The following RALGPS1 variants were observed in gnomAD, a reference collection of about 807,000 sequenced individuals.
RALGPS1 encodes Ral GEF with PH domain and SH3 binding motif 1.
Under a neutral mutation model 78.8 loss-of-function variants are expected in RALGPS1, and 19 were observed. The ratio of observed to expected loss-of-function variants is 0.24; its 90% confidence interval spans 0.17 to 0.35. The LOEUF (loss-of-function observed/expected upper bound fraction) is 0.35, where lower values mean the gene tolerates loss of function less well. Among genes scored for constraint, RALGPS1 ranks in the 10% least tolerant of loss-of-function variants. The pLI is 1.00. For missense variants in RALGPS1, 454 were observed against 688.3 expected (o/e 0.66, Z 3.81); for synonymous variants, 228 against 256.3 (o/e 0.89, Z 1.06).
At chr9:127,029,910 T>C (rs1249633513) in intron 4 of RALGPS1, among the ~76,000 whole-genome samples, 1 of 152,196 alleles carries the variant, frequency 6.6e-6, no homozygotes, top group Non-Finnish European at 1.5e-5. Context: ...CAGAGCAGCT[T>C]TGCAGGGGCA....
chr9:127,183,776 T>A lies in RALGPS1; in HGVS notation c.910+8994T>A. On this transcript the variant is annotated intron_variant, in intron 11 of 18. Transcript: ENST00000259351. This position sits in a 1 kb window ranked among gnomAD's most constrained non-coding sequence, Gnocchi z 4.0. ...TGCCCGTTTATATTTTCGGAATGGA[T>A]GGGTGGGAGGGGCCCTCCATGAGGA... 9.0e-7 allele frequency: 1 copy of A among 1,116,830 alleles called. No individual in the cohort carries two copies. 69.2% of individuals were successfully genotyped at this position (1,116,830 alleles called of 1,614,324 possible).
intron 1 of RALGPS1, among the ~76,000 whole-genome samples, chr9:126,959,888 C>G (rs2132052506): frequency 6.6e-6 from 1 of 152,328 alleles, no homozygotes; most frequent in Non-Finnish European, 1.5e-5. Context: ...GTGGTACCCT[C>G]TAAGATCCAT....
In RALGPS1 at chr9:127,055,454, G is replaced by A. The variant is rs141970455; in HGVS notation, c.483+2515G>A. Among the ~76,000 whole-genome samples the A allele has an allele frequency of 1.4e-4, 22 of 152,346 alleles. No homozygotes were observed. In the East Asian group the frequency reaches 3.9e-3, roughly 27 times the overall value. ...GCTGGTCTCAAACTTCTGGGCTCAAGCAGTCCTCCTGCTTCAGCCTCCCAA... is the reference window on the plus strand; with the variant it reads ...GCTGGTCTCAAACTTCTGGGCTCAAACAGTCCTCCTGCTTCAGCCTCCCAA... On this transcript the variant is annotated intron_variant, in intron 7 of 18. Transcript: ENST00000259351.
chr9:126,994,025 C>T (rs2133294803), intron 4 of RALGPS1, among the ~76,000 whole-genome samples: 1 of 152,244 alleles, frequency 6.6e-6, no homozygotes, highest in East Asian at 1.9e-4. Flanking sequence ...AAAAACCCAT[C>T]TGTACGTCAC....
At chr9:127,053,068 G>A in intron 7 of RALGPS1, 129 bp downstream of exon 7, 1 of 702,062 alleles carries the variant, frequency 1.4e-6, no homozygotes, top group Non-Finnish European at 2.5e-6. Flanking sequence ...ATGAGTTGAT[G>A]ACAGTTCTGT....
At chr9:127,189,815 G>A (rs1050403269) in intron 11 of RALGPS1, among the ~76,000 whole-genome samples, 6 of 152,150 alleles carry the variant, frequency 3.9e-5, no homozygotes, top group Non-Finnish European at 7.4e-5. Context: ...GGGCCAGAGC[G>A]GGCCAGGGAG....
intron 4 of RALGPS1, among the ~76,000 whole-genome samples, chr9:127,008,374 T>C (rs1325005522): frequency 2.6e-5 from 4 of 152,208 alleles, no homozygotes; most frequent in Non-Finnish European, 5.9e-5. Context: ...GCCCTGTCTG[T>C]GGGAGGACCT....
chr9:126,997,247 G>A (rs1203974577), intron 4 of RALGPS1, among the ~76,000 whole-genome samples: 4 of 152,060 alleles, frequency 2.6e-5, no homozygotes, highest in Admixed American at 6.5e-5. Context: ...CAGATTGTCC[G>A]TTTGCAGATG....
chr9:126,936,975 C>T lies in RALGPS1; in HGVS notation c.-66+22000C>T, dbSNP rs181685004. On this transcript the variant is annotated intron_variant, in intron 1 of 18. Transcript: ENST00000259351. Reference sequence around the variant, plus strand: ...AGGTGATTCTCCTGCCTTAGCCTCCCGAGTAGCTGGGATTACAGGTATGCA... The same window carrying T: ...AGGTGATTCTCCTGCCTTAGCCTCCTGAGTAGCTGGGATTACAGGTATGCA... Among the ~76,000 whole-genome samples, 40 of 151,984 alleles carry T rather than the reference C, an allele frequency of 2.6e-4. No homozygotes were observed. The East Asian group carries it at 7.2e-3, about 27-fold the overall frequency.
chr9:127,025,792 A>T (rs1232721251), intron 4 of RALGPS1, among the ~76,000 whole-genome samples: 1 of 152,058 alleles, frequency 6.6e-6, no homozygotes. Context: ...CCTGGGCTCA[A>T]GCAATCCTCC....
intron 1 of RALGPS1, among the ~76,000 whole-genome samples, chr9:126,959,530 A>G (rs2038679696): frequency 6.6e-6 from 1 of 151,964 alleles, no homozygotes; most frequent in Non-Finnish European, 1.5e-5. Flanking sequence ...CTTGCTCATG[A>G]AAGAGGACTT....
intron 1 of RALGPS1, among the ~76,000 whole-genome samples, chr9:126,950,687 G>A (rs1306739869): frequency 6.6e-6 from 1 of 151,948 alleles, no homozygotes; most frequent in East Asian, 1.9e-4. Context: ...GAAATTTGTA[G>A]CACTAAATGC....
intron 4 of RALGPS1, among the ~76,000 whole-genome samples, chr9:127,029,953 A>G (rs1485101631): frequency 2.6e-5 from 4 of 152,358 alleles, no homozygotes; most frequent in African/African-American, 9.6e-5. Context: ...GCTTTCACCT[A>G]GGAATGCTTA....
chr9:127,011,073 G>A (rs1031470221), intron 4 of RALGPS1, among the ~76,000 whole-genome samples: 1 of 152,136 alleles, frequency 6.6e-6, no homozygotes, highest in Non-Finnish European at 1.5e-5. Flanking sequence ...GATCATAGCA[G>A]TGTGGCCAAG....
intron 8 of RALGPS1, among the ~76,000 whole-genome samples, chr9:127,144,193 C>G (rs1453538676): frequency 6.6e-6 from 1 of 152,240 alleles, no homozygotes; most frequent in African/African-American, 2.4e-5. Flanking sequence ...AGATCCTTGG[C>G]TGTCCCCCTC....
chr9:127,020,992 C>G (rs918309063), intron 4 of RALGPS1, among the ~76,000 whole-genome samples: 1 of 152,172 alleles, frequency 6.6e-6, no homozygotes, highest in Non-Finnish European at 1.5e-5. Flanking sequence ...GTGCCTGACA[C>G]TTAGAAAGTG....
In RALGPS1 at chr9:127,174,696, T is replaced by G; in HGVS notation, c.843-19T>G. ...GTAAACCAGAGCCCATCTGATCTTA[T>G]GAAAATCTTTGTTTTCAGACTGTCG... On this transcript the variant is annotated intron_variant, in intron 10 of 18. Transcript: ENST00000259351. 1 of 1,613,356 alleles carries G rather than the reference T, an allele frequency of 6.2e-7. No homozygotes were observed. The highest frequency in any genetic ancestry group is 1.1e-5 in the South Asian group (1 of 91,074).
At chr9:126,976,166 T>C (rs1183305964) in intron 3 of RALGPS1, among the ~76,000 whole-genome samples, 1 of 152,162 alleles carries the variant, frequency 6.6e-6, no homozygotes, top group Non-Finnish European at 1.5e-5. Context: ...GCAACCTCAG[T>C]GCATGAATAT....
At position 127,113,790 on chromosome 9, in the gene RALGPS1, T is replaced by C. The variant is rs559075238; in HGVS notation, c.610+44434T>C. 1.4e-3 allele frequency among the ~76,000 whole-genome samples: 210 copies of C among 152,282 alleles called. 2 individuals carry two copies. Among genetic ancestry groups the C allele is most frequent in the African/African-American group, 4.8e-3 (198 of 41,572 alleles). On this transcript the variant is annotated intron_variant, in intron 8 of 18. Coordinates refer to ENST00000259351, the MANE Select transcript of RALGPS1 (RefSeq NM_014636.3). ...GGAGGCAGCCTCTCCAGGGCTTGGG[T>C]CCCACCCAGTCTCCGGTGGGCTGCC... is the stretch of plus-strand genomic sequence containing the variant.
Sources: gnomAD v4.1 joint callset for allele counts (sites outside exome capture counted in the v4.1 genomes callset) on GRCh38, gnomAD v4.1.1 for gene constraint, Gnocchi (gnomAD v3.1) non-coding constraint, MANE v1.5 for transcripts, NCBI Gene and HGNC (gene_info 2026-07-23, HGNC 2026-07-21) for gene names.